Variants in COL21A1 observed in about 807,000 individuals in gnomAD.
COL21A1 encodes collagen type XXI alpha 1 chain.
Under a neutral mutation model 137.9 loss-of-function variants are expected in COL21A1, and 149 were observed. The ratio of observed to expected loss-of-function variants is 1.08; its 90% CI spans 0.95 to 1.24. The LOEUF (loss-of-function observed/expected upper bound fraction) is 1.24. Among genes scored for constraint, COL21A1 ranks in the 50% most tolerant of loss-of-function variants. The pLI, the probability that COL21A1 is intolerant of heterozygous loss-of-function variation, is 0.00. For synonymous variants in COL21A1, 456 were observed against 391.5 expected (o/e 1.16, Z -1.95); for missense variants, 1,167 against 1,158.4 (o/e 1.01, Z -0.11).
chr6:56,234,749 T>TA (rs910234805), intron 1 of COL21A1, among the ~76,000 whole-genome samples: 10 of 151,712 alleles, frequency 6.6e-5, no homozygotes, highest in Non-Finnish European at 1.0e-4. Flanking sequence ...TTCCTCTGCT[T>TA]AAAAAATCAC....
intron 17 of COL21A1, among the ~76,000 whole-genome samples, chr6:56,088,228 G>A (rs1206246656): frequency 6.6e-6 from 1 of 152,068 alleles, no homozygotes; most frequent in Non-Finnish European, 1.5e-5. Flanking sequence ...GCTGGGCATG[G>A]TGGCACATGC....
At chr6:56,205,269 C>T (rs1213216179) in intron 1 of COL21A1, among the ~76,000 whole-genome samples, 1 of 152,008 alleles carries the variant, frequency 6.6e-6, no homozygotes, top group Non-Finnish European at 1.5e-5. Flanking sequence ...ACTAGAATAA[C>T]CAGTTTAGAG....
chr6:56,326,377 T>G lies in COL21A1; in HGVS notation c.-39+67594A>C, dbSNP rs111957179. 4.1e-3 allele frequency among the ~76,000 whole-genome samples: 623 copies of G among 151,676 alleles called. 3 individuals are homozygous for G. The highest frequency in any genetic ancestry group is 0.015 in the African/African-American group (608 of 41,440). On this transcript the variant is annotated intron_variant, in intron 1 of 28. Coordinates refer to the COL21A1 transcript ENST00000370819. ...ATATTAATTCAAATAACCTGGAAAA[T>G]TATAAAAATGTATTGAGTTAGAAGC...
intron 1 of COL21A1, among the ~76,000 whole-genome samples, chr6:56,230,316 G>A (rs969050120): frequency 3.3e-5 from 5 of 151,780 alleles, no homozygotes; most frequent in East Asian, 1.9e-4. Context: ...TTAATAGTAC[G>A]GTCTCTCAAT....
At chr6:56,218,709 G>A (rs181634991) in intron 1 of COL21A1, among the ~76,000 whole-genome samples, 3 of 152,072 alleles carry the variant, frequency 2.0e-5, no homozygotes, top group African/African-American at 4.8e-5. Context: ...TTTCTTATTC[G>A]AGTTGAAAAT....
At chr6:56,282,967 AT>A (rs1763815824) in intron 1 of COL21A1, among the ~76,000 whole-genome samples, 2 of 152,220 alleles carry the variant, frequency 1.3e-5, no homozygotes, top group South Asian at 4.1e-4. Context: ...AGATGTACTT[AT>A]TTGAAGTAAT....
chr6:56,257,894 A>C (rs987365490), intron 1 of COL21A1, among the ~76,000 whole-genome samples: 2 of 152,164 alleles, frequency 1.3e-5, no homozygotes, highest in Non-Finnish European at 2.9e-5. Context: ...ATTATAATTA[A>C]AATTTATGTT....
intron 1 of COL21A1, among the ~76,000 whole-genome samples, chr6:56,309,754 T>G (rs184976391): frequency 1.3e-5 from 2 of 152,290 alleles, no homozygotes; most frequent in African/African-American, 2.4e-5. Context: ...ATCATAATGG[T>G]CTTTAGAACA....
At chr6:56,355,153 G>C (rs546543974) in intron 1 of COL21A1, among the ~76,000 whole-genome samples, 1 of 151,456 alleles carries the variant, frequency 6.6e-6, no homozygotes, top group Non-Finnish European at 1.5e-5. Flanking sequence ...TAGGTAAATG[G>C]TTACTAATAT....
chr6:56,096,131 GCCA>G (rs1292789427), intron 17 of COL21A1, among the ~76,000 whole-genome samples: 1 of 146,250 alleles, frequency 6.8e-6, no homozygotes, highest in Admixed American at 7.0e-5. Flanking sequence ...ACAGGCATGG[GCCA>G]CCATGTCTGG....
intron 18 of COL21A1, 132 bp downstream of exon 18, chr6:56,077,394 AAAC>A (rs1356230362): frequency 5.3e-5 from 34 of 642,670 alleles, no homozygotes; most frequent in East Asian, 3.0e-4. Context: ...TGTAAAGCCA[AAAC>A]AACGTCTTCT....
chr6:56,263,597 A>C (rs1030495782), intron 1 of COL21A1, among the ~76,000 whole-genome samples: 1 of 152,226 alleles, frequency 6.6e-6, no homozygotes, highest in East Asian at 1.9e-4. Context: ...CACTCAAAAC[A>C]ATGCCCACAG....
intron 1 of COL21A1, among the ~76,000 whole-genome samples, chr6:56,372,076 T>C (rs1290689680): frequency 6.6e-6 from 1 of 152,172 alleles, no homozygotes; most frequent in African/African-American, 2.4e-5. Context: ...GAATAAATCC[T>C]TGAGGTGTGT....
intron 12 of COL21A1, chr6:56,126,755 CT>C (rs951008706): frequency 6.6e-6 from 1 of 152,090 alleles, no homozygotes; most frequent in Non-Finnish European, 1.5e-5. Context: ...GATGATACTG[CT>C]TTAGCTTCAA....
chr6:56,201,944 C>A (rs1281486478), intron 1 of COL21A1, among the ~76,000 whole-genome samples: 5 of 151,946 alleles, frequency 3.3e-5, no homozygotes, highest in African/African-American at 1.2e-4. Context: ...TTTACTCTTC[C>A]CTCAGTTACT....
intron 16 of COL21A1, among the ~76,000 whole-genome samples, chr6:56,112,979 A>C (rs1771585846): frequency 6.6e-6 from 1 of 152,136 alleles, no homozygotes. Context: ...TCACGGCGCT[A>C]GGCCCAGAGG....
intron 3 of COL21A1, among the ~76,000 whole-genome samples, chr6:56,173,656 A>T (rs1270401789): frequency 6.6e-6 from 1 of 152,202 alleles, no homozygotes; most frequent in Non-Finnish European, 1.5e-5. Context: ...CCAGGAAGAT[A>T]TAATAATTAT....
At chr6:56,221,628 G>A (rs1322141747) in intron 1 of COL21A1, among the ~76,000 whole-genome samples, 5 of 152,056 alleles carry the variant, frequency 3.3e-5, no homozygotes, top group African/African-American at 4.8e-5. Flanking sequence ...AGGAGGTGAG[G>A]TGAGAGAACT....
chr6:56,259,642 T>C (rs776847138), intron 1 of COL21A1, among the ~76,000 whole-genome samples: 4 of 152,260 alleles, frequency 2.6e-5, no homozygotes, highest in Non-Finnish European at 5.9e-5. Flanking sequence ...TAGTCTTCTC[T>C]GAATGCATCT....
Sources: gnomAD v4.1 joint callset for allele counts (sites outside exome capture counted in the v4.1 genomes callset) on GRCh38, gnomAD v4.1.1 for gene constraint, MANE v1.5 for transcripts, NCBI Gene and HGNC (gene_info 2026-07-23, HGNC 2026-07-21) for gene names.